The following FGF14 variants were observed in gnomAD, a reference collection of about 807,000 sequenced individuals.
FGF14 encodes fibroblast growth factor 14, also known as fibroblast growth factor homologous factor 4.
In FGF14, 5 loss-of-function variants were observed where a neutral mutation model predicts 25.5. The observed-to-expected ratio is 0.20, with a 90% CI of 0.10 to 0.41. The LOEUF (loss-of-function observed/expected upper bound fraction) is 0.41. FGF14 is among the 10% of genes least tolerant of loss of function. The probability of loss-of-function intolerance (pLI) is 1.00; values close to 1 mark genes in which losing one functional copy is unlikely to be tolerated. For synonymous variants in FGF14, 138 were observed against 118.3 expected (o/e 1.17, Z -1.08); for missense variants, 222 against 320.1 (o/e 0.69, Z 2.34).
Position 102,085,211 on chromosome 13 carries a change from CT to C in FGF14, c.209-209916del, listed in dbSNP as rs36051988. Among the ~76,000 whole-genome samples, 588 of 151,716 alleles carry C rather than the reference CT, an allele frequency of 3.9e-3. 5 individuals carry two copies. The highest frequency in any genetic ancestry group is 3.7e-3 in the East Asian group (19 of 5,146). On this transcript the variant is annotated intron_variant, in intron 1 of 4. Transcript: ENST00000376131. The stretch of plus-strand genomic sequence containing the variant: ...AGCTAAGTTTTTCTCTTTCTCTTTC[CT>C]TTTTTCCCCCACCTCCTATGTGTAT...
intron 1 of FGF14, among the ~76,000 whole-genome samples, chr13:102,277,852 T>G (rs2053622724): frequency 6.6e-6 from 1 of 152,266 alleles, no homozygotes; most frequent in Non-Finnish European, 1.5e-5. Flanking sequence ...CCTAATTTAA[T>G]GTGTATTTGT....
chr13:102,172,171 T>C (rs2140683926), intron 1 of FGF14, among the ~76,000 whole-genome samples: 1 of 152,060 alleles, frequency 6.6e-6, no homozygotes, highest in South Asian at 2.1e-4. Context: ...TTCTAGGACA[T>C]ACCATAAAAT....
Position 101,797,233 on chromosome 13 carries a change from G to T in FGF14, c.409-70423C>A, listed in dbSNP as rs577136475. ...ATCACTTTTAATTGTTTATGCTTCT[G>T]GTTTTTCCTTCTAGGTAGCAGGATG... On this transcript the variant is annotated intron_variant, in intron 3 of 4. Coordinates refer to ENST00000376143, the MANE Select transcript of FGF14 (RefSeq NM_004115.4). 8.5e-5 allele frequency among the ~76,000 whole-genome samples: 13 copies of T among 152,134 alleles called. No individual in the cohort carries two copies. In the South Asian group the frequency reaches 1.9e-3, roughly 22 times the overall value.
chr13:102,351,609 A>G (rs2057282211), intron 1 of FGF14, among the ~76,000 whole-genome samples: 1 of 152,342 alleles, frequency 6.6e-6, no homozygotes, highest in South Asian at 2.1e-4. Flanking sequence ...TGAGGCTATC[A>G]GCAGGCCTGC....
At chr13:102,166,070 C>T (rs1381356598) in intron 1 of FGF14, among the ~76,000 whole-genome samples, 1 of 151,456 alleles carries the variant, frequency 6.6e-6, no homozygotes, top group African/African-American at 2.4e-5. Flanking sequence ...AACTCTGCAT[C>T]CATTGAACAC....
chr13:102,107,166 A>T (rs2044963596), intron 1 of FGF14, among the ~76,000 whole-genome samples: 1 of 152,114 alleles, frequency 6.6e-6, no homozygotes, highest in Non-Finnish European at 1.5e-5. Flanking sequence ...GTATTCCTAA[A>T]CCTATTTTTT....
chr13:102,275,234 T>TTCTCTTTCTCTCTCTC (rs1249330049), intron 1 of FGF14, among the ~76,000 whole-genome samples: 8 of 67,444 alleles, frequency 1.2e-4, no homozygotes, highest in African/African-American at 4.5e-4. Context: ...TTAGGCAGAT[T>TTCTCTTTCTCTCTCTC]TCTCTCTCTC....
At position 102,270,059 on chromosome 13, in the gene FGF14, T is replaced by C. The variant is rs926065381; in HGVS notation, c.208+131412A>G. On this transcript the variant is annotated intron_variant, in intron 1 of 4. Transcript: ENST00000376131. ...AAAAAATTCTCTGGTCTTAAATGTT[T>C]ACAATTTAAAATAGAATTAATCTGT... Among the ~76,000 whole-genome samples, 4 of 152,298 alleles carry C rather than the reference T, an allele frequency of 2.6e-5. 1 individual carries two copies.
intron 1 of FGF14, among the ~76,000 whole-genome samples, chr13:101,932,696 T>G (rs950946667): frequency 6.6e-6 from 1 of 150,858 alleles, no homozygotes; most frequent in African/African-American, 2.4e-5. Flanking sequence ...AATGAAGTTA[T>G]CTGTCAGTCG....
chr13:101,746,257 T>C (rs771285663), intron 3 of FGF14, among the ~76,000 whole-genome samples: 1 of 151,942 alleles, frequency 6.6e-6, no homozygotes, highest in Non-Finnish European at 1.5e-5. Flanking sequence ...AGTTAGAACC[T>C]AGATTATGCT....
chr13:101,910,244 A>T (rs1312901366), intron 1 of FGF14, among the ~76,000 whole-genome samples: 3 of 151,994 alleles, frequency 2.0e-5, no homozygotes, highest in Non-Finnish European at 4.4e-5. Context: ...AAAGTATAAA[A>T]AAATAAATAA....
At position 102,133,096 on chromosome 13, in the gene FGF14, C is replaced by G. The variant is rs1466867145; in HGVS notation, c.209-257800G>C. On this transcript the variant is annotated intron_variant, in intron 1 of 4. Coordinates refer to the FGF14 transcript ENST00000376131. Reference sequence around the variant, plus strand: ...TGGATTGTTGACCATTATTTTCTATCTTCAACACATTTATTTTCATCAGCG... The same window carrying G: ...TGGATTGTTGACCATTATTTTCTATGTTCAACACATTTATTTTCATCAGCG... Among the ~76,000 whole-genome samples, 24 of 152,176 alleles carry G rather than the reference C, an allele frequency of 1.6e-4. 1 individual carries two copies. Among genetic ancestry groups the G allele is most frequent in the Non-Finnish European group, 1.8e-4 (12 of 68,028 alleles).
At chr13:101,789,832 GCTT>G (rs1366738753) in intron 3 of FGF14, among the ~76,000 whole-genome samples, 1 of 48,416 alleles carries the variant, frequency 2.1e-5, no homozygotes, top group Non-Finnish European at 6.1e-5. Context: ...TTATTAAAAA[GCTT>G]CTATTATGCC....
chr13:101,733,424 A>G (rs1267084001), intron 3 of FGF14, among the ~76,000 whole-genome samples: 1 of 151,976 alleles, frequency 6.6e-6, no homozygotes, highest in Non-Finnish European at 1.5e-5. Flanking sequence ...GTGAAACCCC[A>G]TCTCTAATAA....
At chr13:102,126,319 T>C (rs2045946681) in intron 1 of FGF14, among the ~76,000 whole-genome samples, 1 of 152,224 alleles carries the variant, frequency 6.6e-6, no homozygotes, top group Admixed American at 6.5e-5. Flanking sequence ...AATCATACAA[T>C]ATGTGTCCTA....
chr13:102,126,069 T>A (rs2045936737), intron 1 of FGF14, among the ~76,000 whole-genome samples: 1 of 152,162 alleles, frequency 6.6e-6, no homozygotes, highest in African/African-American at 2.4e-5. Flanking sequence ...GCCTTGGATC[T>A]TTTCTCTCCC....
At chr13:102,345,265 T>C (rs1438999658) in intron 1 of FGF14, among the ~76,000 whole-genome samples, 1 of 152,204 alleles carries the variant, frequency 6.6e-6, no homozygotes, top group Non-Finnish European at 1.5e-5. Context: ...ATGCATCACA[T>C]GAACTACCCA....
At chr13:101,925,498 C>T (rs779878813) in intron 1 of FGF14, among the ~76,000 whole-genome samples, 28 of 152,164 alleles carry the variant, frequency 1.8e-4, no homozygotes, top group Non-Finnish European at 3.5e-4. Context: ...AGTTAAATAC[C>T]GGAAGCCTTC....
At position 102,045,267 on chromosome 13, in the gene FGF14, C is replaced by T. The variant is rs566658705; in HGVS notation, c.209-169971G>A. On this transcript the variant is annotated intron_variant, in intron 1 of 4. Transcript: ENST00000376131. ...GATGACTGGAAAGGAAACTGCTATGCAGATGGAAAAAAAAAAAGCTGTAAC... is the reference window on the plus strand; with the variant it reads ...GATGACTGGAAAGGAAACTGCTATGTAGATGGAAAAAAAAAAAGCTGTAAC... Among the ~76,000 whole-genome samples the T allele has an allele frequency of 2.0e-5, 3 of 150,406 alleles. No homozygotes were observed. The South Asian group carries it at 6.3e-4, about 32-fold the overall frequency.
Sources: gnomAD v4.1 joint callset for allele counts (sites outside exome capture counted in the v4.1 genomes callset) on GRCh38, gnomAD v4.1.1 for gene constraint, MANE v1.5 for transcripts, NCBI Gene and HGNC (gene_info 2026-07-23, HGNC 2026-07-21) for gene names.